The following STARD3NL variants were observed in gnomAD, a reference collection of about 807,000 sequenced individuals.
STARD3NL encodes the protein STARD3 N-terminal-like protein.
A neutral mutation model predicts 30.9 loss-of-function variants in STARD3NL; 17 were observed. That is an observed-to-expected ratio of 0.55 (90% CI 0.38 to 0.82). The LOEUF is 0.82. STARD3NL is among the 40% of genes least tolerant of loss of function. The pLI, the probability that STARD3NL is intolerant of heterozygous loss-of-function variation, is 0.00. For missense variants in STARD3NL, 234 were observed against 277.6 expected, an observed-to-expected ratio of 0.84 and a Z score of 1.12; for synonymous variants, 112 against 100.5, an observed-to-expected ratio of 1.11 and a Z score of -0.69.
chr7:38,224,763 T>C (rs1271252063), intron 7 of STARD3NL, among the ~76,000 whole-genome samples: 2 of 152,218 alleles, frequency 1.3e-5, no homozygotes, highest in African/African-American at 4.8e-5. Context: ...GCAATTCATA[T>C]ATGCCAAAGA....
chr7:38,198,482 A>T (rs1785026432), intron 1 of STARD3NL: 1 of 152,256 alleles, frequency 6.6e-6, no homozygotes, highest in African/African-American at 2.4e-5. Context: ...CTTAAGAAAC[A>T]CTGTACAAGA....
chr7:38,229,374 G>T (rs923088843), intron 8 of STARD3NL, among the ~76,000 whole-genome samples: 1 of 152,256 alleles, frequency 6.6e-6, no homozygotes, highest in Non-Finnish European at 1.5e-5. Flanking sequence ...CATTTCTCAA[G>T]GATTTTGGAG....
At chr7:38,182,413 A>AT (rs1207398241) in intron 1 of STARD3NL, among the ~76,000 whole-genome samples, 2 of 152,280 alleles carry the variant, frequency 1.3e-5, no homozygotes, top group East Asian at 3.9e-4. Context: ...ACTAACAACG[A>AT]TTTCCACTTT....
intron 7 of STARD3NL, among the ~76,000 whole-genome samples, chr7:38,225,257 T>C (rs1441166353): frequency 6.6e-6 from 1 of 152,234 alleles, no homozygotes; most frequent in Non-Finnish European, 1.5e-5. Flanking sequence ...TGTTTTCATA[T>C]ATGATTTACA....
At chr7:38,210,560 G>A (rs1255389721) in intron 2 of STARD3NL, among the ~76,000 whole-genome samples, 2 of 152,080 alleles carry the variant, frequency 1.3e-5, no homozygotes, top group Admixed American at 1.3e-4. Context: ...TCTCTTTTCG[G>A]TCAATCAAAA....
rs990876365 is a variant in STARD3NL at position 38,191,527 on chromosome 7, C to T, written c.-59+13107C>T. Among the ~76,000 whole-genome samples the T allele has an allele frequency of 2.6e-5, 4 of 151,982 alleles. No individual in the cohort carries two copies. The South Asian group carries it at 6.2e-4, about 24-fold the overall frequency. ...TAAAGCTTTGTATTTTTAATTTTTA[C>T]GTTTAGGTCTGTAAATCGTCTTAAA... On this transcript the variant is annotated intron_variant, in intron 1 of 8. Coordinates refer to ENST00000009041, the MANE Select transcript of STARD3NL (RefSeq NM_032016.4).
At chr7:38,209,835 C>G (rs933835914) in intron 2 of STARD3NL, among the ~76,000 whole-genome samples, 2 of 152,160 alleles carry the variant, frequency 1.3e-5, no homozygotes, top group African/African-American at 4.8e-5. Flanking sequence ...TGTTCACAGA[C>G]AAGTTATCTG....
At chr7:38,229,339 G>A (rs1482289442) in intron 8 of STARD3NL, among the ~76,000 whole-genome samples, 1 of 152,234 alleles carries the variant, frequency 6.6e-6, no homozygotes, top group African/African-American at 2.4e-5. Context: ...TCTGGTACCA[G>A]GTCCACTGCA....
intron 1 of STARD3NL, among the ~76,000 whole-genome samples, chr7:38,198,950 T>G (rs1412300003): frequency 1.3e-5 from 2 of 152,242 alleles, no homozygotes; most frequent in African/African-American, 2.4e-5. Flanking sequence ...TAGGTTACTT[T>G]AAGCCATTGA....
chr7:38,184,507 A>C (rs941799285), intron 1 of STARD3NL, among the ~76,000 whole-genome samples: 6 of 151,588 alleles, frequency 4.0e-5, no homozygotes, highest in African/African-American at 1.5e-4. Context: ...CGGGAGCAAG[A>C]GAGAGAAGGG....
chr7:38,213,704 T>C (rs1785940360), intron 2 of STARD3NL, among the ~76,000 whole-genome samples: 1 of 152,220 alleles, frequency 6.6e-6, no homozygotes, highest in South Asian at 2.1e-4. Flanking sequence ...TTGTCGAATT[T>C]TGAGCTCGAT....
chr7:38,222,141 TCACACACACACACACACACA>T lies in STARD3NL; in HGVS notation c.649+2506_649+2525del, dbSNP rs3223376. On this transcript the variant is annotated intron_variant, in intron 7 of 8. Coordinates refer to ENST00000009041, the MANE Select transcript of STARD3NL (RefSeq NM_032016.4). ...CCTACATTAGGCCTAGTTAATATTT[TCACACACACACACACACACA>T]CACACACACACACACACACACACAG... Among the ~76,000 whole-genome samples the T allele has an allele frequency of 5.2e-3, 745 of 144,300 alleles. 8 individuals carry two copies. The highest frequency in any genetic ancestry group is 0.018 in the African/African-American group (709 of 39,270). The allele number at this position is 144,300 out of a possible 152,430, so 94.7% of individuals were successfully genotyped here.
chr7:38,193,362 G>A (rs566037258), intron 1 of STARD3NL, among the ~76,000 whole-genome samples: 20 of 151,952 alleles, frequency 1.3e-4, no homozygotes, highest in Non-Finnish European at 1.8e-4. Context: ...GTAGTGGTGC[G>A]ATCTCGGCTC....
At chr7:38,185,066 T>G (rs1784405863) in intron 1 of STARD3NL, among the ~76,000 whole-genome samples, 1 of 152,066 alleles carries the variant, frequency 6.6e-6, no homozygotes, top group Non-Finnish European at 1.5e-5. Context: ...TCTGAATATT[T>G]TAGCCTGTAG....
chr7:38,228,725 C>T, intron 7 of STARD3NL, 74 bp from the exon 8 acceptor site: 2 of 1,257,928 alleles, frequency 1.6e-6, no homozygotes, highest in South Asian at 1.3e-5. Context: ...TAATTTTAAA[C>T]CTATTTATTT....
At position 38,208,139 on chromosome 7, in the gene STARD3NL, C is replaced by T. The variant is rs563005515; in HGVS notation, c.225+410C>T. ...ATAGTTGTGACAGAGACCCTCTGACCCACAAAGGCAAAAATATTTGTTCTC... is the reference window on the plus strand; with the variant it reads ...ATAGTTGTGACAGAGACCCTCTGACTCACAAAGGCAAAAATATTTGTTCTC... On this transcript the variant is annotated intron_variant, in intron 2 of 8. Coordinates refer to ENST00000009041, the MANE Select transcript of STARD3NL (RefSeq NM_032016.4). Among the ~76,000 whole-genome samples, 4 of 152,216 alleles carry T rather than the reference C, an allele frequency of 2.6e-5. No homozygotes were observed. The South Asian group carries it at 8.3e-4, about 32-fold the overall frequency.
In STARD3NL at chr7:38,228,829, G is replaced by A. The variant is rs773449340; in HGVS notation, c.680G>A (p.Ser227Asn). 9 of 1,612,842 alleles carry A rather than the reference G, an allele frequency of 5.6e-6. No homozygotes were observed. The African/African-American group carries it at 8.0e-5, about 14-fold the overall frequency. ...GAAGAAGCTGAAGAAAAACAGGACAGTGAGAAACCACTTTTAGAACTATGA... is the reference window on the plus strand; with the variant it reads ...GAAGAAGCTGAAGAAAAACAGGACAATGAGAAACCACTTTTAGAACTATGA... ...GSEEAEEKQD[S>N]EKPLLEL The change falls in exon 8 of 9, where the codon AGT (serine) becomes AAT (asparagine). Residue 227 changes from serine to asparagine, a missense_variant. Transcript: ENST00000009041.
chr7:38,222,505 G>C (rs1262055914), intron 7 of STARD3NL, among the ~76,000 whole-genome samples: 1 of 152,196 alleles, frequency 6.6e-6, no homozygotes, highest in African/African-American at 2.4e-5. Context: ...TAGAGTTCAT[G>C]CATCTCTACT....
intron 4 of STARD3NL, 200 bp downstream of exon 4, chr7:38,215,305 T>C: frequency 1.8e-6 from 1 of 546,902 alleles, no homozygotes; most frequent in Non-Finnish European, 3.2e-6. Flanking sequence ...ACTAGATTTG[T>C]CTCTTGGTGC....
Sources: gnomAD v4.1 joint callset for allele counts (sites outside exome capture counted in the v4.1 genomes callset) on GRCh38, gnomAD v4.1.1 for gene constraint, MANE v1.5 for transcripts, NCBI Gene and HGNC (gene_info 2026-07-23, HGNC 2026-07-21) for gene names.